Variants in BOD1L1 observed in about 807,000 individuals in gnomAD.
The protein encoded by BOD1L1 is biorientation of chromosomes in cell division protein 1-like 1.
Under a neutral mutation model 240.7 loss-of-function variants are expected in BOD1L1, and 86 were observed. The observed-to-expected ratio is 0.36, with a 90% CI of 0.30 to 0.43. BOD1L1 has a LOEUF of 0.43. Among genes scored for constraint, BOD1L1 ranks in the 20% least tolerant of loss-of-function variants. The pLI is 1.00. For synonymous variants in BOD1L1, 1,268 were observed against 1,272.3 expected (o/e 1.00, Z 0.07); for missense variants, 3,554 against 3,643.5 (o/e 0.98, Z 0.63).
At position 13,604,896 on chromosome 4, in the gene BOD1L1, C is replaced by T. The variant is rs759881813; in HGVS notation, c.2004G>A (p.Gln668=). The T allele has an allele frequency of 5.6e-6, 9 of 1,613,304 alleles. No homozygotes were observed. In the East Asian group the frequency reaches 2.0e-4, roughly 36 times the overall value. Residue 668 remains glutamine (Q), a synonymous_variant, in exon 10 of 26, where the codon CAG becomes CAA. Transcript: ENST00000040738. ...TTACATCTCTTGTGTCAGTCTCTTC[C>T]TGTACCCCCTCCATGATAACAGGGG... ...TSTPVIMEGV[Q]EETDTRDVKR... is the part of the protein sequence containing the mutation.
chr4:13,576,819 T>C lies in BOD1L1; in HGVS notation c.9038+19A>G. 1 of 1,600,456 alleles carries C rather than the reference T, an allele frequency of 6.2e-7. No individual in the cohort carries two copies. The highest frequency in any genetic ancestry group is 8.5e-7 in the Non-Finnish European group (1 of 1,176,018). On this transcript the variant is annotated intron_variant, in intron 25 of 25. Coordinates refer to ENST00000040738, the MANE Select transcript of BOD1L1 (RefSeq NM_148894.3). ...GAAGCTGGTGAAGGTCTCTGGCAGC[T>C]CTGTGCTGCCCCCATTACCTCTGAG...
chr4:13,621,485 C>T (rs531026864), intron 1 of BOD1L1, among the ~76,000 whole-genome samples: 26 of 152,170 alleles, frequency 1.7e-4, no homozygotes, highest in Non-Finnish European at 2.5e-4. Flanking sequence ...ATCTTGACAC[C>T]GAAGGTAGGC....
At position 13,626,319 on chromosome 4, in the gene BOD1L1, CAAAAAAAAAAAAAAA is replaced by C. The variant is rs71169520; in HGVS notation, c.243+1011_243+1025del. On this transcript the variant is annotated intron_variant, in intron 1 of 25. Coordinates refer to ENST00000040738, the MANE Select transcript of BOD1L1 (RefSeq NM_148894.3). Reference sequence around the variant, plus strand: ...CTGGCGACAGGGCGAGACTCTGTCTCAAAAAAAAAAAAAAAAAAAAAAAAGGAAACCCTCATTTCA... The same window carrying C: ...CTGGCGACAGGGCGAGACTCTGTCTCAAAAAAAAAGGAAACCCTCATTTCA... 1.5e-3 allele frequency: 71 copies of C among 47,054 alleles called. 2 individuals carry two copies. The highest frequency in any genetic ancestry group is 1.2e-4 in the Non-Finnish European group (3 of 25,090). 2.9% of individuals were successfully genotyped at this position (47,054 alleles called of 1,614,324 possible). A position where few individuals can be genotyped will look rare whatever the true frequency, so the allele number is the denominator to read the frequency against.
chr4:13,599,001 A>G lies in BOD1L1; in HGVS notation c.7899T>C (p.Pro2633=), dbSNP rs1048935078. 2 of 1,613,612 alleles carry G rather than the reference A, an allele frequency of 1.2e-6. No individual in the cohort carries two copies. Among genetic ancestry groups the G allele is most frequent in the African/African-American group, 2.7e-5 (2 of 74,916 alleles). The change falls in exon 10 of 26, where the codon CCT becomes CCC. Residue 2633 remains proline (P), a synonymous_variant. Transcript: ENST00000040738. ...CAGTAACCATTATGTCTCCTTCCTC[A>G]GGGAATGATTTCCTTGTGCTGTTAT... The part of the protein sequence containing the change: ...GDDNSTRKSF[P]EEGDIMVTVS...
At position 13,602,719 on chromosome 4, in the gene BOD1L1, A is replaced by G. The variant is rs1715310601; in HGVS notation, c.4181T>C (p.Ile1394Thr). The G allele has an allele frequency of 6.2e-7, 1 of 1,613,894 alleles. No homozygotes were observed. The highest frequency in any genetic ancestry group is 1.3e-5 in the African/African-American group (1 of 74,926). Residue 1394 changes from isoleucine (I) to threonine (T), a missense_variant, in exon 10 of 26, where the codon ATT (isoleucine) becomes ACT (threonine). This residue lies in a region of BOD1L1 where 3,393 missense variants were observed against 3,427.1 expected (regional missense o/e 0.99). Coordinates refer to ENST00000040738, the MANE Select transcript of BOD1L1 (RefSeq NM_148894.3). ...TTTGGTAATATTCTCATTTTCCACA[A>G]TCACGCCCGTTAACTTACTTCCAAG... Reference protein sequence around the residue: ...MPLGSKLTGVIVENENITKEG... With the variant: ...MPLGSKLTGVTVENENITKEG...
intron 8 of BOD1L1, among the ~76,000 whole-genome samples, chr4:13,608,236 T>TAA (rs1173601020): frequency 6.6e-6 from 1 of 152,196 alleles, no homozygotes; most frequent in Non-Finnish European, 1.5e-5. Flanking sequence ...CATAAACTCT[T>TAA]AAAGTCTAGG....
In BOD1L1 at chr4:13,584,441, AGTGTGTGTGT is replaced by A. The variant is rs36096107; in HGVS notation, c.8434-1715_8434-1706del. Among the ~76,000 whole-genome samples, 218 of 134,906 alleles carry A rather than the reference AGTGTGTGTGT, an allele frequency of 1.6e-3. 1 individual carries two copies. Among genetic ancestry groups the A allele is most frequent in the African/African-American group, 3.4e-3 (124 of 36,422 alleles). The allele number at this position is 134,906 out of a possible 152,430, so 88.5% of individuals were successfully genotyped here. A position where few individuals can be genotyped will look rare whatever the true frequency, so the allele number is the denominator to read the frequency against. The stretch of plus-strand genomic sequence containing the variant: ...GTGGCGGGGAGAGAAAGAGAGAGAG[AGTGTGTGTGT>A]GTGTGTGTGTGTGTGTGTGTGTGTG... On this transcript the variant is annotated intron_variant, in intron 17 of 25. Coordinates refer to ENST00000040738, the MANE Select transcript of BOD1L1 (RefSeq NM_148894.3).
At chr4:13,627,315 G>A in intron 1 of BOD1L1, 30 bp downstream of exon 1, 1 of 1,233,628 alleles carries the variant, frequency 8.1e-7, no homozygotes. Context: ...CCCTTCCCTC[G>A]CAGACCCCCA....
At chr4:13,578,959 G>A (rs925254824) in intron 22 of BOD1L1, among the ~76,000 whole-genome samples, 1 of 152,190 alleles carries the variant, frequency 6.6e-6, no homozygotes, top group African/African-American at 2.4e-5. Context: ...TTCTGAGACT[G>A]TATCATGGTA....
chr4:13,574,662 A>T (rs1175324854), intron 25 of BOD1L1, among the ~76,000 whole-genome samples: 1 of 152,136 alleles, frequency 6.6e-6, no homozygotes, highest in African/African-American at 2.4e-5. Context: ...ACCCAAATGC[A>T]TGGGTGTTGG....
Position 13,577,453 on chromosome 4 carries a change from C to G in BOD1L1, c.8834G>C (p.Arg2945Pro). 1 of 1,613,750 alleles carries G rather than the reference C, an allele frequency of 6.2e-7. No homozygotes were observed. Among genetic ancestry groups the G allele is most frequent in the Non-Finnish European group, 8.5e-7 (1 of 1,179,798 alleles). ...ACGTTTGGGTTTTCTTCCTCTCCGACGCACACTTGTTACTATTTTTTCTTC... is the reference window on the plus strand; with the variant it reads ...ACGTTTGGGTTTTCTTCCTCTCCGAGGCACACTTGTTACTATTTTTTCTTC... ...DGEEKIVTSV[R>P]RRGRKPKRSL... Residue 2945 changes from arginine to proline, a missense_variant, in exon 24 of 26, where the codon CGT becomes CCT. Transcript: ENST00000040738.
At chr4:13,617,899 G>A (rs1252083926) in intron 2 of BOD1L1, among the ~76,000 whole-genome samples, 1 of 152,090 alleles carries the variant, frequency 6.6e-6, no homozygotes, top group African/African-American at 2.4e-5. Flanking sequence ...TCTCTTTAAG[G>A]AAGCTTTAAA....
At chr4:13,624,355 T>C (rs939841907) in intron 1 of BOD1L1, 1 of 152,200 alleles carries the variant, frequency 6.6e-6, no homozygotes, top group Admixed American at 6.5e-5. Flanking sequence ...ACAGAAATAT[T>C]AGAAATTTTC....
At chr4:13,626,248 G>C (rs934673466) in intron 1 of BOD1L1, 1 of 151,512 alleles carries the variant, frequency 6.6e-6, no homozygotes, top group South Asian at 2.1e-4. Context: ...TTGAACCCGG[G>C]AGGCGGAGGT....
chr4:13,598,085 C>G (rs924862588), intron 10 of BOD1L1, among the ~76,000 whole-genome samples: 10 of 152,210 alleles, frequency 6.6e-5, no homozygotes, highest in African/African-American at 1.9e-4. Flanking sequence ...ATGCAATTGT[C>G]ATGCTTTAAA....
In BOD1L1 at chr4:13,613,668, GCGGAAAATAAAACAC is replaced by G; in HGVS notation, c.1175-22_1175-8del. The stretch of plus-strand genomic sequence containing the variant: ...GAATCTATCAAAGAGAAATCTTCAA[GCGGAAAATAAAACAC>G]AGAAAAAAAAATCATCTTATTATAA... On this transcript the variant is annotated splice_region_variant and splice_polypyrimidine_tract_variant and intron_variant, in intron 4 of 25. Coordinates refer to ENST00000040738, the MANE Select transcript of BOD1L1 (RefSeq NM_148894.3). The surrounding 1 kb of genome is among the most constrained non-coding windows in gnomAD (Gnocchi z 4.0). 6.6e-7 allele frequency: 1 copy of G among 1,511,248 alleles called. No homozygotes were observed. Among genetic ancestry groups the G allele is most frequent in the Non-Finnish European group, 8.9e-7 (1 of 1,120,194 alleles). 93.6% of individuals were successfully genotyped at this position (1,511,248 alleles called of 1,614,324 possible). A position where few individuals can be genotyped will look rare whatever the true frequency, so the allele number is the denominator to read the frequency against.
In BOD1L1 at chr4:13,609,281, G is replaced by C. The variant is rs946306266; in HGVS notation, c.1603+14C>G. ...TATGAGATAGTTTAAAATATTAAAA[G>C]TTGACATCTATACCTTGACCCTTGG... On this transcript the variant is annotated intron_variant, in intron 7 of 25. Coordinates refer to ENST00000040738, the MANE Select transcript of BOD1L1 (RefSeq NM_148894.3). 7.0e-7 allele frequency: 1 copy of C among 1,423,474 alleles called. No individual in the cohort carries two copies. Among genetic ancestry groups the C allele is most frequent in the Non-Finnish European group, 9.3e-7 (1 of 1,075,550 alleles). The allele number at this position is 1,423,474 out of a possible 1,614,324, so 88.2% of individuals were successfully genotyped here.
At position 13,604,173 on chromosome 4, in the gene BOD1L1, C is replaced by A. The variant is rs779493153; in HGVS notation, c.2727G>T (p.Val909=). The A allele has an allele frequency of 6.2e-7, 1 of 1,613,008 alleles. No homozygotes were observed. The highest frequency in any genetic ancestry group is 8.5e-7 in the Non-Finnish European group (1 of 1,179,704). The change falls in exon 10 of 26, where the codon GTG becomes GTT. Residue 909 remains valine (V), a synonymous_variant. Transcript: ENST00000040738. ...CTTGAGTTTTTGATTTAGACTTCAA[C>A]ACAAGTTTCTCTTCTAACAAGCTCT... ...RTKSLLEEKL[V]LKSKSKTQGK... is the part of the protein sequence containing the mutation.
At position 13,608,511 on chromosome 4, in the gene BOD1L1, G is replaced by T; in HGVS notation, c.1742+19C>A. Reference sequence around the variant, plus strand: ...CAGGGGAGTGTTATAAGGGAAACATGACCAGATAAAATATGTACCTTGAAT... The same window carrying T: ...CAGGGGAGTGTTATAAGGGAAACATTACCAGATAAAATATGTACCTTGAAT... On this transcript the variant is annotated intron_variant, in intron 8 of 25. Transcript: ENST00000040738. The T allele has an allele frequency of 6.6e-7, 1 of 1,507,102 alleles. No individual in the cohort carries two copies. Among genetic ancestry groups the T allele is most frequent in the South Asian group, 1.4e-5 (1 of 73,802 alleles). The allele number at this position is 1,507,102 out of a possible 1,614,324, so 93.4% of individuals were successfully genotyped here.
Sources: gnomAD v4.1 joint callset for allele counts (sites outside exome capture counted in the v4.1 genomes callset) on GRCh38, gnomAD v4.1.1 for gene constraint, gnomAD v4.1.1 regional missense constraint, Gnocchi (gnomAD v3.1) non-coding constraint, MANE v1.5 for transcripts, NCBI Gene and HGNC (gene_info 2026-07-23, HGNC 2026-07-21) for gene names.